GAP43: variants seen among roughly 807,000 people sequenced by gnomAD.
The protein encoded by GAP43 is neuromodulin.
Under a neutral mutation model 18.6 loss-of-function variants are expected in GAP43, and 6 were observed. The ratio of observed to expected loss-of-function variants is 0.32; its 90% CI spans 0.18 to 0.64. GAP43 has a LOEUF of 0.64. GAP43 is among the 30% of genes least tolerant of loss of function. The pLI is 0.78. For synonymous variants in GAP43, 115 were observed against 111.4 expected, an observed-to-expected ratio of 1.03 and a Z score of -0.20; for missense variants, 292 against 295.5, an observed-to-expected ratio of 0.99 and a Z score of 0.09.
chr3:115,683,137 GCGCGCGCGCGCACACACACACA>G (rs1708980083), intron 2 of GAP43, among the ~76,000 whole-genome samples: 4 of 123,370 alleles, frequency 3.2e-5, no homozygotes, highest in African/African-American at 6.4e-5. Flanking sequence ...GCGCGCGTGC[GCGCGCGCGCGCACACACACACA>G]CACACACACA....
chr3:115,650,407 C>T (rs765864052), intron 1 of GAP43, among the ~76,000 whole-genome samples: 31 of 152,094 alleles, frequency 2.0e-4, no homozygotes, highest in African/African-American at 7.0e-4. Context: ...AGAATGTAAA[C>T]GATGTATTTT....
At position 115,690,916 on chromosome 3, in the gene GAP43, C is replaced by T. The variant is rs537143343; in HGVS notation, c.628+14306C>T. 3.5e-4 allele frequency among the ~76,000 whole-genome samples: 53 copies of T among 152,016 alleles called. No homozygotes were observed. In the South Asian group the frequency reaches 0.01, roughly 30 times the overall value. ...GACTACAGGCACCCGCCACCATGCCCGGCTAACTTTTTGTATTTTTAGTAG... is the reference window on the plus strand; with the variant it reads ...GACTACAGGCACCCGCCACCATGCCTGGCTAACTTTTTGTATTTTTAGTAG... On this transcript the variant is annotated intron_variant, in intron 2 of 2. Transcript: ENST00000305124.
intron 2 of GAP43, among the ~76,000 whole-genome samples, chr3:115,691,514 T>C (rs1709109860): frequency 6.6e-6 from 1 of 152,244 alleles, no homozygotes; most frequent in Non-Finnish European, 1.5e-5. Context: ...TATGGTATTT[T>C]ATTGAACACA....
In GAP43 at chr3:115,661,831, C is replaced by CTTTTTTTTTTTTTTTTTTTTTTTT. The variant is rs56209932; in HGVS notation, c.31-14168_31-14167insTTTTTTTTTTTTTTTTTTTTTTTT. ...AGTTTGGCTTGGGGAGAAACTAGGG[C>CTTTTTTTTTTTTTTTTTTTTTTTT]TTTTTTTTTTTTTTACCTGGGAGCT... is the stretch of plus-strand genomic sequence containing the variant. On this transcript the variant is annotated intron_variant, in intron 1 of 2. Coordinates refer to ENST00000305124, the MANE Select transcript of GAP43 (RefSeq NM_002045.4). 4.2e-3 allele frequency among the ~76,000 whole-genome samples: 441 copies of CTTTTTTTTTTTTTTTTTTTTTTTT among 105,872 alleles called. 67 individuals carry two copies. Among genetic ancestry groups the CTTTTTTTTTTTTTTTTTTTTTTTT allele is most frequent in the African/African-American group, 0.017 (420 of 24,492 alleles). The allele number at this position is 105,872 out of a possible 152,430, so 69.5% of individuals were successfully genotyped here. A position where few individuals can be genotyped will look rare whatever the true frequency, so the allele number is the denominator to read the frequency against.
intron 2 of GAP43, among the ~76,000 whole-genome samples, chr3:115,716,954 A>C (rs1030553885): frequency 2.6e-5 from 4 of 151,802 alleles, no homozygotes; most frequent in Admixed American, 2.6e-4. Context: ...CTAGCTACTT[A>C]GTTTCAGTGC....
chr3:115,650,106 C>T (rs1362026489), intron 1 of GAP43, among the ~76,000 whole-genome samples: 3 of 152,142 alleles, frequency 2.0e-5, no homozygotes, highest in Non-Finnish European at 2.9e-5. Flanking sequence ...TGCTTGCAAA[C>T]GTCCAGGAGT....
Position 115,661,831 on chromosome 3 carries a change from C to CT in GAP43, c.31-14168dup, listed in dbSNP as rs56209932. Among the ~76,000 whole-genome samples, 294 of 105,952 alleles carry CT rather than the reference C, an allele frequency of 2.8e-3. 18 individuals are homozygous for CT. Among genetic ancestry groups the CT allele is most frequent in the African/African-American group, 5.8e-3 (143 of 24,562 alleles). 69.5% of individuals were successfully genotyped at this position (105,952 alleles called of 152,430 possible). A position where few individuals can be genotyped will look rare whatever the true frequency, so the allele number is the denominator to read the frequency against. On this transcript the variant is annotated intron_variant, in intron 1 of 2. Transcript: ENST00000305124. The stretch of plus-strand genomic sequence containing the variant: ...AGTTTGGCTTGGGGAGAAACTAGGG[C>CT]TTTTTTTTTTTTTTACCTGGGAGCT...
intron 2 of GAP43, among the ~76,000 whole-genome samples, chr3:115,690,971 G>A (rs1013715016): frequency 3.3e-5 from 5 of 151,530 alleles, no homozygotes; most frequent in Non-Finnish European, 5.9e-5. Context: ...TAGCTAGGAT[G>A]GTCTCAATCT....
At chr3:115,717,894 T>A (rs1709531504) in intron 2 of GAP43, among the ~76,000 whole-genome samples, 1 of 152,186 alleles carries the variant, frequency 6.6e-6, no homozygotes, top group Non-Finnish European at 1.5e-5. Context: ...GACCAGGCAA[T>A]GGATGACAAG....
At chr3:115,687,966 A>G (rs1437099066) in intron 2 of GAP43, among the ~76,000 whole-genome samples, 2 of 151,966 alleles carry the variant, frequency 1.3e-5, no homozygotes, top group Admixed American at 1.3e-4. Flanking sequence ...AAAAAATGGA[A>G]TTTGAGTGAC....
At chr3:115,702,618 G>GT (rs1239365737) in intron 2 of GAP43, among the ~76,000 whole-genome samples, 1 of 152,056 alleles carries the variant, frequency 6.6e-6, no homozygotes. Context: ...TGGCAGGGTG[G>GT]TTTTCCATTA....
rs77520373 is a variant in GAP43 at position 115,708,265 on chromosome 3, G to T, written c.629-12529G>T. On this transcript the variant is annotated intron_variant, in intron 2 of 2. Coordinates refer to ENST00000305124, the MANE Select transcript of GAP43 (RefSeq NM_002045.4). ...AACTTCCATATGAGAATGAAGTGAT[G>T]AATTCTGTTTAGTGTAAGTTTGGAG... 2.8e-4 allele frequency among the ~76,000 whole-genome samples: 42 copies of T among 152,338 alleles called. No homozygotes were observed. The East Asian group carries it at 7.5e-3, about 27-fold the overall frequency.
Position 115,652,356 on chromosome 3 carries a change from CTTTTTTTT to C in GAP43, c.31-23635_31-23628del, listed in dbSNP as rs71141831. Among the ~76,000 whole-genome samples, 404 of 43,752 alleles carry C rather than the reference CTTTTTTTT, an allele frequency of 9.2e-3. 1 individual carries two copies. Among genetic ancestry groups the C allele is most frequent in the African/African-American group, 0.032 (370 of 11,490 alleles). The allele number at this position is 43,752 out of a possible 152,430, so 28.7% of individuals were successfully genotyped here. A position where few individuals can be genotyped will look rare whatever the true frequency, so the allele number is the denominator to read the frequency against. On this transcript the variant is annotated intron_variant, in intron 1 of 2. Coordinates refer to ENST00000305124, the MANE Select transcript of GAP43 (RefSeq NM_002045.4). The stretch of plus-strand genomic sequence containing the variant: ...TTCCTGATGATTCTTATCCAGCATT[CTTTTTTTT>C]TTTTTTTTTTTTTTTTTTTTTGTGA...
chr3:115,624,863 T>A (rs970153811), intron 1 of GAP43, among the ~76,000 whole-genome samples: 3 of 146,088 alleles, frequency 2.1e-5, no homozygotes, highest in African/African-American at 7.7e-5. Context: ...GGGTGTGGGA[T>A]ACGGGTGAGT....
chr3:115,677,149 A>G (rs1708903077), intron 2 of GAP43, among the ~76,000 whole-genome samples: 1 of 152,134 alleles, frequency 6.6e-6, no homozygotes, highest in Non-Finnish European at 1.5e-5. Flanking sequence ...CATTCTCTCC[A>G]CCATCGGTTG....
Position 115,689,258 on chromosome 3 carries a change from G to T in GAP43, c.628+12648G>T, listed in dbSNP as rs144451301. 5.3e-5 allele frequency among the ~76,000 whole-genome samples: 8 copies of T among 152,266 alleles called. No individual in the cohort carries two copies. The East Asian group carries it at 1.5e-3, about 29-fold the overall frequency. On this transcript the variant is annotated intron_variant, in intron 2 of 2. Coordinates refer to ENST00000305124, the MANE Select transcript of GAP43 (RefSeq NM_002045.4). ...CCGTAGCATTCTTAGTGCCTAAAAC[G>T]ACTGTGTTTATCTGTGTCGTCCTCA...
At chr3:115,698,205 T>TATTATATATA (rs376925773) in intron 2 of GAP43, among the ~76,000 whole-genome samples, 1 of 5,476 alleles carries the variant, frequency 1.8e-4, no homozygotes, top group Non-Finnish European at 7.8e-4. Flanking sequence ...ATATTATATA[T>TATTATATATA]TATATAAAAT....
intron 1 of GAP43, among the ~76,000 whole-genome samples, chr3:115,646,016 T>C (rs1261793644): frequency 6.6e-6 from 1 of 152,136 alleles, no homozygotes; most frequent in East Asian, 1.9e-4. Context: ...AAAAATTAAG[T>C]GTTGGACTAA....
At chr3:115,638,731 C>T (rs1708359972) in intron 1 of GAP43, among the ~76,000 whole-genome samples, 1 of 151,686 alleles carries the variant, frequency 6.6e-6, no homozygotes, top group Non-Finnish European at 1.5e-5. Context: ...GTAATGTCTT[C>T]CTTCCTCTCC....
Sources: gnomAD v4.1 joint callset for allele counts (sites outside exome capture counted in the v4.1 genomes callset) on GRCh38, gnomAD v4.1.1 for gene constraint, MANE v1.5 for transcripts, NCBI Gene and HGNC (gene_info 2026-07-23, HGNC 2026-07-21) for gene names.